Variants in ITGA2B observed in about 807,000 individuals in gnomAD.
The protein encoded by ITGA2B is integrin subunit alpha 2b.
In ITGA2B, 91 loss-of-function variants were observed where a neutral mutation model predicts 142.0. That is an observed-to-expected ratio of 0.64 (90% CI 0.54 to 0.76). The LOEUF is 0.76. ITGA2B is among the 30% of genes least tolerant of loss of function. The pLI, the probability that ITGA2B is intolerant of heterozygous loss-of-function variation, is 0.00. For synonymous variants in ITGA2B, 536 were observed against 567.2 expected, an observed-to-expected ratio of 0.94 and a Z score of 0.78; for missense variants, 1,231 against 1,350.8, an observed-to-expected ratio of 0.91 and a Z score of 1.39.
At chr17:44,385,121 T>C (rs377166169) in intron 6 of ITGA2B, 43 bp downstream of exon 6, 86 of 1,613,892 alleles carry the variant, frequency 5.3e-5, no homozygotes, top group Middle Eastern at 4.9e-4. Context: ...AGCGGTCTCC[T>C]TGGGCCGCGA....
rs1428759583 is a variant in ITGA2B, at chr17:44,375,915, G to A, written c.2519C>T (p.Pro840Leu). The A allele has an allele frequency of 1.2e-6, 2 of 1,613,328 alleles. No homozygotes were observed. Among genetic ancestry groups the A allele is most frequent in the Non-Finnish European group, 1.7e-6 (2 of 1,179,844 alleles). ...ATCCAGGATGTAGAGCAGGTCGGAGGGCTGGGACTGTCCCGGAAGGTGGAT... is the reference window on the plus strand; with the variant it reads ...ATCCAGGATGTAGAGCAGGTCGGAGAGCTGGGACTGTCCCGGAAGGTGGAT... ...LSIHLPGQSQPSDLLYILDIQ... is the reference protein window; with the variant it reads ...LSIHLPGQSQLSDLLYILDIQ... Residue 840 changes from proline (P) to leucine (L), a missense_variant, in exon 25 of 30, where the codon CCC (proline) becomes CTC (leucine). Around this residue, in one of 3 missense-constraint regions of ITGA2B, gnomAD observed 908 missense variants for 1,021.1 expected, o/e 0.89. Coordinates refer to ENST00000262407, the MANE Select transcript of ITGA2B (RefSeq NM_000419.5).
At chr17:44,373,923 TGAGATGG>T in intron 29 of ITGA2B, 1 of 192,896 alleles carries the variant, frequency 5.2e-6, no homozygotes, top group Middle Eastern at 2.4e-3. Flanking sequence ...CTTTTTTTTT[TGAGATGG>T]AGGCTCGCTC....
rs763588778 is a variant in ITGA2B at position 44,384,104 on chromosome 17, T to C, written c.926A>G (p.His309Arg). The change falls in exon 10 of 30, where the codon CAT (histidine) becomes CGT (arginine). Residue 309 changes from histidine to arginine, a missense_variant. Around this residue, in one of 3 missense-constraint regions of ITGA2B, gnomAD observed 908 missense variants for 1,021.1 expected, o/e 0.89. Transcript: ENST00000262407. ...EILDSYYQRL[H>R]RLRGEQMASY... ...CCCCACCTGCTCTCCGCGCAGCCGA[T>C]GCAGCCTCTGGTAGTAGGAATCCAA... 18 of 1,613,714 alleles carry C rather than the reference T, an allele frequency of 1.1e-5. No individual in the cohort carries two copies. The South Asian group carries it at 1.9e-4, about 17-fold the overall frequency.
rs2048542016 is a variant in ITGA2B at position 44,376,157 on chromosome 17, C to T, written c.2376G>A (p.Val792=). Residue 792 remains valine (V), a synonymous_variant, in exon 24 of 30, where the codon GTG becomes GTA. Transcript: ENST00000262407. ...GCTCCCTCTCACCTTCTTCTGCTGC[C>T]ACCACCAGGGAGGCTGGAAAGGAGT... ...RGNSFPASLV[V]AAEEGEREQN... 5.0e-6 allele frequency: 8 copies of T among 1,614,196 alleles called. No individual in the cohort carries two copies. The highest frequency in any genetic ancestry group is 5.9e-6 in the Non-Finnish European group (7 of 1,180,038).
intron 12 of ITGA2B, among the ~76,000 whole-genome samples, chr17:44,382,577 A>G (rs998496636): frequency 7.9e-5 from 12 of 151,706 alleles, no homozygotes; most frequent in South Asian, 2.1e-4. Flanking sequence ...TAGTGGCGCA[A>G]GCTCAGCTCA....
intron 17 of ITGA2B, 92 bp downstream of exon 17, chr17:44,379,910 C>T (rs546380108): frequency 6.8e-6 from 11 of 1,612,468 alleles, no homozygotes; most frequent in South Asian, 5.5e-5. Context: ...CCCGGACTCA[C>T]AGCACCCAGC....
At chr17:44,381,394 ATC>A (rs1464993061) in intron 12 of ITGA2B, among the ~76,000 whole-genome samples, 1 of 151,306 alleles carries the variant, frequency 6.6e-6, no homozygotes, top group Non-Finnish European at 1.5e-5. Context: ...CAGTGGTGCG[ATC>A]TCGGCTCACT....
rs1415335252 is a variant in ITGA2B, at chr17:44,375,745, A to G, written c.2602-29T>C. Reference sequence around the variant, plus strand: ...GGGGGGCAAAGGAGTGGTCAGGCCCAGGTCTCCCCCGAACCCCAGCCCACA... The same window carrying G: ...GGGGGGCAAAGGAGTGGTCAGGCCCGGGTCTCCCCCGAACCCCAGCCCACA... On this transcript the variant is annotated intron_variant, in intron 25 of 29. Coordinates refer to ENST00000262407, the MANE Select transcript of ITGA2B (RefSeq NM_000419.5). 3 of 1,560,926 alleles carry G rather than the reference A, an allele frequency of 1.9e-6. No homozygotes were observed. The African/African-American group carries it at 4.1e-5, about 21-fold the overall frequency.
At position 44,377,723 on chromosome 17, in the gene ITGA2B, C is replaced by T; in HGVS notation, c.2162G>A (p.Gly721Asp). ...CTGGGCGTTCTTCTTCATGGGGTTG[C>T]CCAGCTCACACAGCACCACCCTGGT... Reference protein sequence around the residue: ...NETRVVLCELGNPMKKNAQIG... With the variant: ...NETRVVLCELDNPMKKNAQIG... The change falls in exon 21 of 30, where the codon GGC (glycine) becomes GAC (aspartate). Residue 721 changes from glycine (G) to aspartate (D), a missense_variant. By Grantham distance (94) the Gly-to-Asp change is moderately conservative. Around this residue, in one of 3 missense-constraint regions of ITGA2B, gnomAD observed 908 missense variants for 1,021.1 expected, o/e 0.89. Coordinates refer to ENST00000262407, the MANE Select transcript of ITGA2B (RefSeq NM_000419.5). 1.9e-6 allele frequency: 3 copies of T among 1,613,614 alleles called. No homozygotes were observed. Among genetic ancestry groups the T allele is most frequent in the Non-Finnish European group, 2.5e-6 (3 of 1,179,798 alleles).
rs78321762 is a variant in ITGA2B, at chr17:44,384,112, C to CT, written c.917dup (p.Arg307GlufsTer22). On this transcript the variant is annotated frameshift_variant, in exon 10 of 30. Coordinates refer to ENST00000262407, the MANE Select transcript of ITGA2B (RefSeq NM_000419.5). LOFTEE classifies it high-confidence loss of function. ...GCTCTCCGCGCAGCCGATGCAGCCTCTGGTAGTAGGAATCCAAAATTTCCA... is the reference window on the plus strand; with the variant it reads ...GCTCTCCGCGCAGCCGATGCAGCCTCTTGGTAGTAGGAATCCAAAATTTCCA... The CT allele has an allele frequency of 6.2e-7, 1 of 1,613,658 alleles. No individual in the cohort carries two copies. The highest frequency in any genetic ancestry group is 8.5e-7 in the Non-Finnish European group (1 of 1,179,938).
At chr17:44,375,789 G>T in intron 25 of ITGA2B, 44 bp downstream of exon 25, 1 of 1,557,672 alleles carries the variant, frequency 6.4e-7, no homozygotes, top group South Asian at 1.2e-5. Context: ...CCGGTGGTTG[G>T]TCTGGGGCCG....
Position 44,383,534 on chromosome 17 carries a change from G to A in ITGA2B, c.1169C>T (p.Ala390Val). The change falls in exon 12 of 30, where the codon GCC becomes GTC. Residue 390 changes from alanine to valine, a missense_variant. By Grantham distance (64) the Ala-to-Val change is moderately conservative. Coordinates refer to ENST00000262407, the MANE Select transcript of ITGA2B (RefSeq NM_000419.5). ...GTCGAGGTCGCCCAGGGGTGCGATG[G>A]CAGAGCCGAATCGCCCATAGAGCTG... ...GTQLYGRFGS[A>V]IAPLGDLDRD... is the part of the protein sequence containing the mutation. 1 of 1,611,226 alleles carries A rather than the reference G, an allele frequency of 6.2e-7. No individual in the cohort carries two copies. Among genetic ancestry groups the A allele is most frequent in the African/African-American group, 1.3e-5 (1 of 74,998 alleles).
intron 1 of ITGA2B, among the ~76,000 whole-genome samples, chr17:44,388,766 C>G (rs1234075627): frequency 2.6e-5 from 4 of 151,814 alleles, no homozygotes; most frequent in African/African-American, 9.7e-5. Context: ...ATCTGCCCAC[C>G]TCTGCCTCCC....
Position 44,380,241 on chromosome 17 carries a change from C to G in ITGA2B, c.1600+5G>C. Reference sequence around the variant, plus strand: ...CCTCCCTCCTGCCCCCTTCATGCCACTCACATAGCTTCTGAGGAATGTTGT... The same window carrying G: ...CCTCCCTCCTGCCCCCTTCATGCCAGTCACATAGCTTCTGAGGAATGTTGT... On this transcript the variant is annotated splice_donor_5th_base_variant and intron_variant, in intron 16 of 29. Coordinates refer to ENST00000262407, the MANE Select transcript of ITGA2B (RefSeq NM_000419.5). The G allele has an allele frequency of 1.2e-6, 2 of 1,614,172 alleles. No individual in the cohort carries two copies. The highest frequency in any genetic ancestry group is 1.7e-6 in the Non-Finnish European group (2 of 1,180,032).
In ITGA2B at chr17:44,374,451, C is replaced by T. The variant is rs368536313; in HGVS notation, c.2963G>A (p.Arg988Gln). The T allele has an allele frequency of 5.0e-5, 80 of 1,613,976 alleles. No homozygotes were observed. The Admixed American group carries it at 5.8e-4, about 12-fold the overall frequency. Residue 988 changes from arginine (R) to glutamine (Q), a missense_variant, in exon 29 of 30, where the codon CGG (arginine) becomes CAG (glutamine). This residue lies in a region of ITGA2B where 908 missense variants were observed against 1,021.1 expected (regional missense o/e 0.89). Coordinates refer to ENST00000262407, the MANE Select transcript of ITGA2B (RefSeq NM_000419.5). ...TGGAATGGCCCTCTCCTCCAAGGCC[C>T]GGAGCAGCTGTGTCCACACCTGGGG... ...GEAQVWTQLL[R>Q]ALEERAIPIW... is the part of the protein sequence containing the mutation.
At chr17:44,378,585 G>C in intron 19 of ITGA2B, 58 bp downstream of exon 19, 1 of 1,596,336 alleles carries the variant, frequency 6.3e-7, no homozygotes, top group Non-Finnish European at 8.5e-7. Context: ...ACTAAGGTGT[G>C]GAGCAGGTAT....
At chr17:44,381,098 A>G (rs1325929961) in intron 12 of ITGA2B, 37 bp from the exon 13 acceptor site, 5 of 1,601,924 alleles carry the variant, frequency 3.1e-6, no homozygotes, top group Non-Finnish European at 4.3e-6. Flanking sequence ...GCTGATTGTT[A>G]TTCAGCCTCC....
In ITGA2B at chr17:44,385,459, A is replaced by G. The variant is rs576799552; in HGVS notation, c.574+92T>C. On this transcript the variant is annotated intron_variant, in intron 4 of 29. Transcript: ENST00000262407. ...GGGGCCCTGGGGCGAGGCCAGATCC[A>G]AAGCAAGGGCTGCGGCGCTGGGGGC... is the stretch of plus-strand genomic sequence containing the variant. 87 of 1,524,528 alleles carry G rather than the reference A, an allele frequency of 5.7e-5. No homozygotes were observed. The African/African-American group carries it at 9.8e-4, about 17-fold the overall frequency. The allele number at this position is 1,524,528 out of a possible 1,614,324, so 94.4% of individuals were successfully genotyped here.
In ITGA2B at chr17:44,378,516, G is replaced by T. The variant is rs765137311; in HGVS notation, c.1947-7C>A. 6.2e-7 allele frequency: 1 copy of T among 1,613,582 alleles called. No individual in the cohort carries two copies. The highest frequency in any genetic ancestry group is 8.5e-7 in the Non-Finnish European group (1 of 1,179,872). On this transcript the variant is annotated splice_polypyrimidine_tract_variant and splice_region_variant and intron_variant, in intron 19 of 29. Coordinates refer to ENST00000262407, the MANE Select transcript of ITGA2B (RefSeq NM_000419.5). ...TAGGAGCGGGGAGCCCGTCCTGTGG[G>T]GAAAGAGGAGTGAAGCCAGGGAGCC...
Sources: allele counts gnomAD v4.1 joint callset (sites outside exome capture counted in the v4.1 genomes callset), GRCh38; gene constraint gnomAD v4.1.1; regional missense constraint gnomAD v4.1.1; transcripts MANE v1.5; gene names NCBI Gene and HGNC (gene_info 2026-07-23, HGNC 2026-07-21).